The following PALS2 variants were observed in gnomAD, a reference collection of about 807,000 sequenced individuals.
PALS2 encodes protein PALS2.
PALS2 carries 27 observed loss-of-function variants against 61.6 expected under a neutral mutation model. That is an observed-to-expected ratio of 0.44 (90% CI 0.32 to 0.60). The LOEUF is 0.60. Among genes scored for constraint, PALS2 ranks in the 20% least tolerant of loss-of-function variants. The probability of loss-of-function intolerance (pLI) is 0.05; values close to 1 mark genes in which losing one functional copy is unlikely to be tolerated. For synonymous variants in PALS2, 236 were observed against 218.6 expected (o/e 1.08, Z -0.70); for missense variants, 554 against 639.4 (o/e 0.87, Z 1.44).
At chr7:24,587,296 GAACTTTTA>G (rs1783105761) in intron 1 of PALS2, among the ~76,000 whole-genome samples, 1 of 151,854 alleles carries the variant, frequency 6.6e-6, no homozygotes, top group African/African-American at 2.4e-5. Flanking sequence ...AAGAGCAGAG[GAACTTTTA>G]AATTATTAAA....
chr7:24,630,064 C>T lies in PALS2; in HGVS notation c.117+6280C>T, dbSNP rs528825514. 1.2e-4 allele frequency among the ~76,000 whole-genome samples: 18 copies of T among 152,244 alleles called. No individual in the cohort carries two copies. The South Asian group carries it at 3.7e-3, about 32-fold the overall frequency. On this transcript the variant is annotated intron_variant, in intron 2 of 11. Coordinates refer to ENST00000222644, the MANE Select transcript of PALS2 (RefSeq NM_001303037.2). ...GCAGCACTATTCACAATAGCAAAGACTTGGAACCAACCCAAATGCCCATCA... is the reference window on the plus strand; with the variant it reads ...GCAGCACTATTCACAATAGCAAAGATTTGGAACCAACCCAAATGCCCATCA...
Position 24,641,702 on chromosome 7 carries a change from T to C in PALS2, c.118-14T>C. ...AATAAGTATTACTACTTTAATATAC[T>C]CTTATTTTTTCAGGCTCATGAGAGG... On this transcript the variant is annotated splice_polypyrimidine_tract_variant and intron_variant, in intron 2 of 11. Transcript: ENST00000222644. 6.3e-7 allele frequency: 1 copy of C among 1,578,890 alleles called. No individual in the cohort carries two copies. Among genetic ancestry groups the C allele is most frequent in the Non-Finnish European group, 8.6e-7 (1 of 1,162,218 alleles).
chr7:24,591,340 A>G (rs1001108951), intron 1 of PALS2, among the ~76,000 whole-genome samples: 2 of 152,160 alleles, frequency 1.3e-5, no homozygotes, highest in Non-Finnish European at 1.5e-5. Flanking sequence ...TCAGACCATT[A>G]TGCAGTTGAG....
At chr7:24,580,077 G>A (rs1343573767) in intron 1 of PALS2, among the ~76,000 whole-genome samples, 1 of 152,146 alleles carries the variant, frequency 6.6e-6, no homozygotes, top group African/African-American at 2.4e-5. Context: ...TGAGGGATTC[G>A]TTTAGAGAAA....
chr7:24,665,497 C>G (rs1017026832), intron 6 of PALS2, 91 bp from the exon 7 acceptor site: 4 of 1,165,594 alleles, frequency 3.4e-6, no homozygotes, highest in Non-Finnish European at 5.0e-6. Flanking sequence ...GCAAATGTGA[C>G]TTTTTTGACT....
chr7:24,583,660 TA>T (rs1782937355), intron 1 of PALS2, among the ~76,000 whole-genome samples: 3 of 108,568 alleles, frequency 2.8e-5, no homozygotes, highest in Admixed American at 8.1e-5. Context: ...AATATTTATT[TA>T]ATTTTTTTTT....
intron 1 of PALS2, among the ~76,000 whole-genome samples, chr7:24,594,001 A>C (rs1409066392): frequency 1.3e-5 from 2 of 152,130 alleles, no homozygotes; most frequent in Admixed American, 1.3e-4. Context: ...TTTTGTCTGC[A>C]CTGAAAATCT....
chr7:24,649,653 T>A lies in PALS2; in HGVS notation c.312T>A (p.Tyr104Ter). The change falls in exon 4 of 12, where the codon TAT (tyrosine) becomes TAA (stop). Residue 104 changes from tyrosine (Y) to a stop codon, truncating the protein, a stop_gained. Coordinates refer to ENST00000222644, the MANE Select transcript of PALS2 (RefSeq NM_001303037.2). LOFTEE classifies it high-confidence loss of function. ...EAHDIVASKC[Y>*]DSPPSSPEMN... is the part of the protein sequence containing the mutation. ...ATGATATTGTGGCATCAAAGTGTTA[T>A]GATTCACCTCCATCAAGCCCAGAAA... is the stretch of plus-strand genomic sequence containing the variant. 1 of 1,612,006 alleles carries A rather than the reference T, an allele frequency of 6.2e-7. No homozygotes were observed. The highest frequency in any genetic ancestry group is 2.2e-5 in the East Asian group (1 of 44,688).
chr7:24,589,557 T>C (rs541108399), intron 1 of PALS2: 3 of 152,294 alleles, frequency 2.0e-5, no homozygotes, highest in East Asian at 3.9e-4. Context: ...AGACTACTTT[T>C]CTGAGTGTAG....
At chr7:24,677,909 A>C (rs1241036652) in intron 9 of PALS2, among the ~76,000 whole-genome samples, 1 of 152,166 alleles carries the variant, frequency 6.6e-6, no homozygotes, top group African/African-American at 2.4e-5. Flanking sequence ...TTTGAGCATG[A>C]GTTTGAAGTT....
At chr7:24,686,429 T>C (rs966535856) in intron 11 of PALS2, among the ~76,000 whole-genome samples, 3 of 152,200 alleles carry the variant, frequency 2.0e-5, no homozygotes, top group Non-Finnish European at 4.4e-5. Flanking sequence ...TTCAGTATCT[T>C]GAACGTGCCA....
chr7:24,586,899 C>T (rs558040842), intron 1 of PALS2, among the ~76,000 whole-genome samples: 23 of 152,110 alleles, frequency 1.5e-4, no homozygotes, highest in African/African-American at 4.8e-4. Context: ...TGACATAGGG[C>T]GTCTTGAGGT....
chr7:24,679,113 C>G lies in PALS2; in HGVS notation c.1115-18C>G, dbSNP rs571631951. The G allele has an allele frequency of 1.0e-4, 165 of 1,608,976 alleles. 1 individual carries two copies. In the South Asian group the frequency reaches 1.7e-3, roughly 17 times the overall value. On this transcript the variant is annotated intron_variant, in intron 9 of 11. Transcript: ENST00000222644. The stretch of plus-strand genomic sequence containing the variant: ...CTAAAATTTCTTTGTACAAAAATCT[C>G]AACACTATTTTATTTAGTTACTTCA...
chr7:24,684,961 T>C (rs1788118180), intron 11 of PALS2, among the ~76,000 whole-genome samples: 1 of 152,172 alleles, frequency 6.6e-6, no homozygotes, highest in African/African-American at 2.4e-5. Context: ...CCTTCAACTT[T>C]TGTTTTAAGT....
intron 3 of PALS2, among the ~76,000 whole-genome samples, chr7:24,643,477 ACT>A (rs1414006047): frequency 6.6e-6 from 1 of 152,016 alleles, no homozygotes; most frequent in African/African-American, 2.4e-5. Flanking sequence ...TTTTGCACAA[ACT>A]GTTTTAACTT....
intron 2 of PALS2, among the ~76,000 whole-genome samples, chr7:24,632,674 A>G (rs1022833247): frequency 6.6e-6 from 1 of 152,188 alleles, no homozygotes; most frequent in Non-Finnish European, 1.5e-5. Flanking sequence ...GGTGTGAGCC[A>G]CCGCATCCAG....
At chr7:24,678,499 A>G (rs538329536) in intron 9 of PALS2, among the ~76,000 whole-genome samples, 1 of 152,324 alleles carries the variant, frequency 6.6e-6, no homozygotes, top group East Asian at 1.9e-4. Context: ...GTAAGATAAA[A>G]GATAGATAAT....
chr7:24,611,422 A>T (rs1415066805), intron 1 of PALS2, among the ~76,000 whole-genome samples: 1 of 151,988 alleles, frequency 6.6e-6, no homozygotes, highest in Non-Finnish European at 1.5e-5. Flanking sequence ...ATAAATAGTA[A>T]TATGTACATT....
At chr7:24,641,007 C>CAAAAAAAAA (rs35912373) in intron 2 of PALS2, among the ~76,000 whole-genome samples, 1 of 67,084 alleles carries the variant, frequency 1.5e-5, no homozygotes, top group Non-Finnish European at 2.7e-5. Context: ...GACTCCATCT[C>CAAAAAAAAA]AAAAAAAAAA....
Sources: allele counts gnomAD v4.1 joint callset (sites outside exome capture counted in the v4.1 genomes callset), GRCh38; gene constraint gnomAD v4.1.1; transcripts MANE v1.5; gene names NCBI Gene and HGNC (gene_info 2026-07-23, HGNC 2026-07-21).